Variants in GARIN1A observed in about 807,000 individuals in gnomAD.
The protein encoded by GARIN1A is golgi associated RAB2 interactor 1A.
the GARIN1A span, among the ~76,000 whole-genome samples, chr7:128,702,815 A>C: frequency 6.6e-6 from 1 of 152,204 alleles, no homozygotes; most frequent in Admixed American, 6.5e-5. Flanking sequence ...AATCTTTTTT[A>C]AAAATGTAAA....
chr7:128,675,067 GCA>G, the GARIN1A span, among the ~76,000 whole-genome samples: 1 of 152,176 alleles, frequency 6.6e-6, no homozygotes. Context: ...TGCCAGCCGT[GCA>G]CAGTGAGGTG....
the GARIN1A span, among the ~76,000 whole-genome samples, chr7:128,697,009 T>G: frequency 1.3e-5 from 2 of 152,142 alleles, no homozygotes; most frequent in Non-Finnish European, 2.9e-5. Context: ...CTTTGGGGTT[T>G]GTGTGTGTGT....
chr7:128,673,137 C>T, the GARIN1A span, among the ~76,000 whole-genome samples: 7 of 152,266 alleles, frequency 4.6e-5, no homozygotes, highest in Non-Finnish European at 5.9e-5. Context: ...AGCCTGAACC[C>T]ATGCTCCTGC....
chr7:128,689,240 A>G, the GARIN1A span, among the ~76,000 whole-genome samples: 41,049 of 150,996 alleles, frequency 0.27, 5,913 homozygotes, highest in East Asian at 0.54. Flanking sequence ...GGGAAGTGAG[A>G]AGCGTCTCTG....
At chr7:128,705,721 A>T in the GARIN1A span, among the ~76,000 whole-genome samples, 1 of 130,096 alleles carries the variant, frequency 7.7e-6, no homozygotes. Context: ...CTGGGGTGCA[A>T]TGGCATGATA....
chr7:128,681,715 C>G, the GARIN1A span, among the ~76,000 whole-genome samples: 2 of 151,992 alleles, frequency 1.3e-5, no homozygotes, highest in Non-Finnish European at 2.9e-5. Context: ...GTTGCCCAGG[C>G]TGGTCTCAAA....
chr7:128,677,578 A>G, the GARIN1A span: 2 of 1,606,452 alleles, frequency 1.2e-6, no homozygotes, highest in Admixed American at 1.7e-5. Context: ...CTCCCCCTGA[A>G]GTACGTGGAG....
the GARIN1A span, chr7:128,697,708 T>G: frequency 6.1e-6 from 1 of 163,778 alleles, no homozygotes; most frequent in Non-Finnish European, 1.3e-5. Context: ...CATACCACCC[T>G]GAACGCGCCC....
the GARIN1A span, among the ~76,000 whole-genome samples, chr7:128,679,664 A>G: frequency 1.3e-5 from 2 of 152,100 alleles, no homozygotes; most frequent in African/African-American, 4.8e-5. Context: ...AATAGATTGG[A>G]CTGTTCAAAA....
At chr7:128,688,797 C>T in the GARIN1A span, among the ~76,000 whole-genome samples, 5 of 104,996 alleles carry the variant, frequency 4.8e-5, no homozygotes, top group Non-Finnish European at 7.8e-5. Context: ...TCCCCCCTCC[C>T]TCTCCCCACA....
chr7:128,698,261 TAGAC>T, the GARIN1A span, among the ~76,000 whole-genome samples: 3 of 152,264 alleles, frequency 2.0e-5, no homozygotes, highest in Non-Finnish European at 4.4e-5. Flanking sequence ...TGGTGGCACT[TAGAC>T]AGCTCCTGCA....
chr7:128,701,100 A>G, the GARIN1A span, among the ~76,000 whole-genome samples: 1 of 151,614 alleles, frequency 6.6e-6, no homozygotes, highest in East Asian at 1.9e-4. Context: ...TTGGTTCTGG[A>G]CGTGGAACCC....
At chr7:128,686,063 A>G in the GARIN1A span, 4 of 152,118 alleles carry the variant, frequency 2.6e-5, no homozygotes, top group Non-Finnish European at 4.4e-5. Flanking sequence ...AAATACAAAA[A>G]TTAGCTGGGC....
the GARIN1A span, chr7:128,675,752 C>T: frequency 2.5e-6 from 4 of 1,613,742 alleles, no homozygotes; most frequent in Admixed American, 6.7e-5. Context: ...CCTCGGTGCC[C>T]TCCCTGCCAC....
chr7:128,698,683 T>C, the GARIN1A span, among the ~76,000 whole-genome samples: 4 of 152,182 alleles, frequency 2.6e-5, no homozygotes, highest in African/African-American at 4.8e-5. Context: ...CACTGCAACC[T>C]CTTCCTACTG....
At chr7:128,707,541 A>G in the GARIN1A span, among the ~76,000 whole-genome samples, 1 of 152,062 alleles carries the variant, frequency 6.6e-6, no homozygotes, top group South Asian at 2.1e-4. Context: ...ATCATGGCTC[A>G]CTGCAGCCTC....
the GARIN1A span, chr7:128,687,504 GT>G: frequency 6.6e-6 from 1 of 152,244 alleles, no homozygotes; most frequent in African/African-American, 2.4e-5. Flanking sequence ...AAGCTAGGTG[GT>G]TTCCCCAAAG....
chr7:128,697,930 T>G, the GARIN1A span, among the ~76,000 whole-genome samples: 1 of 152,154 alleles, frequency 6.6e-6, no homozygotes, highest in Non-Finnish European at 1.5e-5. Context: ...CAATACACCT[T>G]TATGGGTCTA....
At chr7:128,704,837 T>C in the GARIN1A span, among the ~76,000 whole-genome samples, 5 of 152,182 alleles carry the variant, frequency 3.3e-5, no homozygotes, top group East Asian at 7.7e-4. Context: ...GCCTGGGGGC[T>C]GGGGACCCCT....
Sources: gnomAD v4.1 joint callset for allele counts (sites outside exome capture counted in the v4.1 genomes callset) on GRCh38, gnomAD v4.1.1 for gene constraint, MANE v1.5 for transcripts, NCBI Gene and HGNC (gene_info 2026-07-23, HGNC 2026-07-21) for gene names.